The following TSPAN11 variants were observed in gnomAD, a reference collection of about 807,000 sequenced individuals.
TSPAN11 encodes the protein tetraspanin-11.
A neutral mutation model predicts 32.9 loss-of-function variants in TSPAN11; 29 were observed. The observed-to-expected ratio is 0.88, with a 90% CI of 0.66 to 1.20. TSPAN11 has a LOEUF of 1.20. Among genes scored for constraint, TSPAN11 ranks in the 50% most tolerant of loss-of-function variants. The pLI, the probability that TSPAN11 is intolerant of heterozygous loss-of-function variation, is 0.00. For missense variants in TSPAN11, 283 were observed against 329.1 expected, an observed-to-expected ratio of 0.86 and a Z score of 1.08; for synonymous variants, 140 against 141.3, an observed-to-expected ratio of 0.99 and a Z score of 0.07.
intron 3 of TSPAN11, among the ~76,000 whole-genome samples, chr12:30,966,016 T>G (rs2140294741): frequency 8.2e-6 from 1 of 122,256 alleles, no homozygotes; most frequent in African/African-American, 2.8e-5. Flanking sequence ...GAGATTTTTT[T>G]TGTGATTTTT....
intron 1 of TSPAN11, among the ~76,000 whole-genome samples, chr12:30,934,192 G>A (rs562322418): frequency 1.7e-4 from 26 of 152,336 alleles, no homozygotes; most frequent in African/African-American, 6.0e-4. Flanking sequence ...AGGGGTGACC[G>A]GGAAGACCCA....
intron 5 of TSPAN11, among the ~76,000 whole-genome samples, chr12:30,980,702 G>C (rs906063316): frequency 2.0e-5 from 3 of 152,146 alleles, no homozygotes; most frequent in Non-Finnish European, 4.4e-5. Context: ...CCAGCTCCCA[G>C]TGGGTGCTTC....
At chr12:30,976,688 C>T (rs1001208578) in intron 3 of TSPAN11, among the ~76,000 whole-genome samples, 7 of 152,206 alleles carry the variant, frequency 4.6e-5, no homozygotes, top group Non-Finnish European at 8.8e-5. Context: ...AACTCCCTCC[C>T]GCCACTTCCT....
At chr12:31,013,586 C>A in the TSPAN11 span, among the ~76,000 whole-genome samples, 1 of 46,528 alleles carries the variant, frequency 2.1e-5, no homozygotes, top group African/African-American at 6.9e-5. Context: ...AAGATCCTGT[C>A]TCAAAAAACA....
At chr12:30,943,242 G>C (rs1265443370) in intron 1 of TSPAN11, among the ~76,000 whole-genome samples, 1 of 152,136 alleles carries the variant, frequency 6.6e-6, no homozygotes, top group Non-Finnish European at 1.5e-5. Flanking sequence ...GCTAAAAGAA[G>C]CTACAAGAAA....
chr12:30,982,484 C>A, intron 5 of TSPAN11, 48 bp from the exon 6 acceptor site: 1 of 1,577,662 alleles, frequency 6.3e-7, no homozygotes, highest in Non-Finnish European at 8.6e-7. Flanking sequence ...GCCTGGGACC[C>A]TACGCAGGCC....
chr12:30,932,997 A>G (rs1251247615), intron 1 of TSPAN11, among the ~76,000 whole-genome samples: 1 of 152,192 alleles, frequency 6.6e-6, no homozygotes, highest in Non-Finnish European at 1.5e-5. Context: ...CGTGGTCCAC[A>G]ATGAAGGCTT....
chr12:30,939,663 C>G (rs188090232), intron 1 of TSPAN11, among the ~76,000 whole-genome samples: 2 of 152,228 alleles, frequency 1.3e-5, no homozygotes, highest in Admixed American at 1.3e-4. Context: ...TCTGGGCTTT[C>G]CCGGGCTCTG....
chr12:30,957,713 T>TTCCTTCCTTCCC (rs1565794059), intron 2 of TSPAN11, among the ~76,000 whole-genome samples: 844 of 42,984 alleles, frequency 0.02, 88 homozygotes, highest in South Asian at 0.039. Context: ...CCCTCCTTCC[T>TTCCTTCCTTCCC]TCCTTCCTTC....
At chr12:30,953,844 A>T in intron 1 of TSPAN11, 137 bp from the exon 2 acceptor site, 1 of 621,260 alleles carries the variant, frequency 1.6e-6, no homozygotes, top group African/African-American at 1.8e-5. Flanking sequence ...TCCATGCTGC[A>T]CATGCAGAGC....
chr12:31,007,125 G>C, the TSPAN11 span, among the ~76,000 whole-genome samples: 12 of 152,286 alleles, frequency 7.9e-5, no homozygotes, highest in Admixed American at 3.9e-4. Context: ...CTAGGCTTCT[G>C]TGTAGACTCG....
At chr12:31,008,430 G>T in the TSPAN11 span, among the ~76,000 whole-genome samples, 8 of 152,196 alleles carry the variant, frequency 5.3e-5, no homozygotes, top group Non-Finnish European at 1.0e-4. Context: ...TGTGGATGGT[G>T]CCTGCAGCCC....
intron 3 of TSPAN11, among the ~76,000 whole-genome samples, chr12:30,974,420 G>A (rs1018556263): frequency 6.6e-6 from 1 of 152,200 alleles, no homozygotes; most frequent in Admixed American, 6.5e-5. Flanking sequence ...CCCACTGGTT[G>A]CAAAATTGTG....
chr12:30,965,191 T>C (rs1314829933), intron 3 of TSPAN11, among the ~76,000 whole-genome samples: 3 of 152,154 alleles, frequency 2.0e-5, no homozygotes, highest in African/African-American at 2.4e-5. Flanking sequence ...ATCAGTGCAG[T>C]TGGGCCCAGA....
chr12:31,004,522 G>A, the TSPAN11 span, among the ~76,000 whole-genome samples: 1 of 152,308 alleles, frequency 6.6e-6, no homozygotes, highest in Non-Finnish European at 1.5e-5. Flanking sequence ...GAAGCTGGCA[G>A]GAACAATCAG....
intron 5 of TSPAN11, 94 bp from the exon 6 acceptor site, chr12:30,982,438 A>G: frequency 6.8e-7 from 1 of 1,479,740 alleles, no homozygotes; most frequent in Non-Finnish European, 9.1e-7. Context: ...GTAGACAAAT[A>G]GGGGTTGGGT....
At position 30,926,890 on chromosome 12, in the gene TSPAN11, G is replaced by C. The variant is rs968216088; in HGVS notation, c.-12+94G>C. The C allele has an allele frequency of 4.1e-6, 5 of 1,234,076 alleles. No homozygotes were observed. In the East Asian group the frequency reaches 2.0e-4, roughly 50 times the overall value. The allele number at this position is 1,234,076 out of a possible 1,614,324, so 76.4% of individuals were successfully genotyped here. On this transcript the variant is annotated intron_variant, in intron 1 of 7. Transcript: ENST00000546076. ...CTCCACCTCCGCTGCCCGCCCCGCC[G>C]GCAGTCCCGAGCTAGACTGTCCCGA...
At chr12:30,988,031 G>A (rs1378031792) in intron 7 of TSPAN11, among the ~76,000 whole-genome samples, 1 of 152,242 alleles carries the variant, frequency 6.6e-6, no homozygotes, top group Non-Finnish European at 1.5e-5. Flanking sequence ...GGATGCTGAA[G>A]GGAGAATCCC....
In TSPAN11 at chr12:30,954,013, C is replaced by A; in HGVS notation, c.22C>A (p.Gln8Lys). 6.2e-7 allele frequency: 1 copy of A among 1,613,802 alleles called. No homozygotes were observed. The highest frequency in any genetic ancestry group is 8.5e-7 in the Non-Finnish European group (1 of 1,179,978). Reference protein sequence around the residue: MAHYKTEQDDWLIIYLKY... With the variant: MAHYKTEKDDWLIIYLKY... ...AGCCATGGCCCACTATAAGACTGAG[C>A]AGGACGACTGGCTGATCATCTACTT... The change falls in exon 2 of 8, where the codon CAG becomes AAG. Residue 8 changes from glutamine (Q) to lysine (K), a missense_variant. Physicochemically the swap from Gln to Lys is moderately conservative, Grantham distance 53 (BLOSUM62 1). Coordinates refer to ENST00000546076, the MANE Select transcript of TSPAN11 (RefSeq NM_001370302.1).
Sources: allele counts gnomAD v4.1 joint callset (sites outside exome capture counted in the v4.1 genomes callset), GRCh38; gene constraint gnomAD v4.1.1; transcripts MANE v1.5; gene names NCBI Gene and HGNC (gene_info 2026-07-23, HGNC 2026-07-21).